Variants in ADGRV1 observed in about 807,000 individuals in gnomAD.
ADGRV1 encodes the protein adhesion G protein-coupled receptor V1, also known as G-protein coupled receptor 98.
ADGRV1 carries 359 observed loss-of-function variants against 596.2 expected under a neutral mutation model. That is an observed-to-expected ratio of 0.60 (90% CI 0.55 to 0.66). The LOEUF (loss-of-function observed/expected upper bound fraction) is 0.66. Among genes scored for constraint, ADGRV1 ranks in the 30% least tolerant of loss-of-function variants. The probability of loss-of-function intolerance (pLI) is 0.00; values close to 1 mark genes in which losing one functional copy is unlikely to be tolerated. For synonymous variants in ADGRV1, 2,681 were observed against 2,679.2 expected, an observed-to-expected ratio of 1.00 and a Z score of -0.02; for missense variants, 7,274 against 7,575.6, an observed-to-expected ratio of 0.96 and a Z score of 1.48.
chr5:90,691,014 G>C lies in ADGRV1; in HGVS notation c.6924G>C (p.Leu2308=), dbSNP rs1746396713. 4 of 1,613,654 alleles carry C rather than the reference G, an allele frequency of 2.5e-6. No individual in the cohort carries two copies. The highest frequency in any genetic ancestry group is 3.4e-6 in the Non-Finnish European group (4 of 1,179,646). The change falls in exon 31 of 90, where the codon CTG becomes CTC. Residue 2308 remains leucine (L), a synonymous_variant. Coordinates refer to ENST00000405460, the MANE Select transcript of ADGRV1 (RefSeq NM_032119.4). ...ETIQTLLLEV[L]ADDVPEIEEV... ...TTCAAACCTTGTTGTTAGAGGTCCT[G>C]GCTGACGACGTTCCGGAGATTGAAG...
chr5:90,785,089 A>G (rs1451104279), intron 67 of ADGRV1, among the ~76,000 whole-genome samples: 1 of 152,228 alleles, frequency 6.6e-6, no homozygotes, highest in African/African-American at 2.4e-5. Context: ...CCAATGGAAC[A>G]GAACAGAGGC....
intron 79 of ADGRV1, among the ~76,000 whole-genome samples, chr5:90,851,651 A>C (rs552658676): frequency 1.3e-5 from 2 of 152,090 alleles, no homozygotes; most frequent in Non-Finnish European, 2.9e-5. Flanking sequence ...CTACATGTCA[A>C]TGTGGGAGTT....
intron 83 of ADGRV1, among the ~76,000 whole-genome samples, chr5:90,933,646 C>T (rs1046171600): frequency 1.7e-4 from 26 of 152,124 alleles, no homozygotes; most frequent in Non-Finnish European, 2.9e-4. Flanking sequence ...ATCTCTCTAA[C>T]TTTTGAGTTG....
chr5:91,014,079 A>G (rs940187629), intron 85 of ADGRV1, among the ~76,000 whole-genome samples: 1 of 147,412 alleles, frequency 6.8e-6, no homozygotes, highest in Non-Finnish European at 1.5e-5. Context: ...CTGTTTTTAT[A>G]CCAGTACCAT....
At chr5:90,939,633 C>T (rs1299883142) in intron 83 of ADGRV1, among the ~76,000 whole-genome samples, 1 of 152,148 alleles carries the variant, frequency 6.6e-6, no homozygotes, top group East Asian at 1.9e-4. Context: ...AAGAGTCTCT[C>T]TTCATCTGGG....
At chr5:90,857,568 C>A (rs1021166834) in intron 82 of ADGRV1, among the ~76,000 whole-genome samples, 3 of 152,136 alleles carry the variant, frequency 2.0e-5, no homozygotes, top group African/African-American at 7.2e-5. Context: ...AGAATCAACA[C>A]CTAAATGTTA....
intron 83 of ADGRV1, among the ~76,000 whole-genome samples, chr5:90,865,218 T>C (rs74939264): frequency 0.021 from 3,124 of 152,230 alleles, 56 homozygotes; most frequent in Middle Eastern, 0.034. Flanking sequence ...CACAAGGCTA[T>C]TTATATTGCC....
At chr5:90,736,329 A>C (rs1038496151) in intron 50 of ADGRV1, among the ~76,000 whole-genome samples, 1 of 152,058 alleles carries the variant, frequency 6.6e-6, no homozygotes, top group African/African-American at 2.4e-5. Context: ...ATCCCACTTG[A>C]TCATGGTGAA....
intron 83 of ADGRV1, among the ~76,000 whole-genome samples, chr5:90,932,757 G>A (rs991173142): frequency 6.6e-6 from 1 of 151,946 alleles, no homozygotes; most frequent in Non-Finnish European, 1.5e-5. Context: ...AAAGCTTTCA[G>A]ATTAAAAAAA....
At position 91,014,215 on chromosome 5, in the gene ADGRV1, C is replaced by T. The variant is rs774395642; in HGVS notation, c.18152+28693C>T. Among the ~76,000 whole-genome samples the T allele has an allele frequency of 1.5e-4, 21 of 141,024 alleles. 1 individual carries two copies. The highest frequency in any genetic ancestry group is 2.8e-4 in the Non-Finnish European group (18 of 65,132). 92.5% of individuals were successfully genotyped at this position (141,024 alleles called of 152,430 possible). A position where few individuals can be genotyped will look rare whatever the true frequency, so the allele number is the denominator to read the frequency against. ...CTAACCAGGGAGGTGAAAGAACTCC[C>T]GGGGCTGAAGCCTACTTGATCATGG... On this transcript the variant is annotated intron_variant, in intron 85 of 89. Coordinates refer to ENST00000405460, the MANE Select transcript of ADGRV1 (RefSeq NM_032119.4).
chr5:90,760,553 T>C (rs1165634902), intron 58 of ADGRV1, among the ~76,000 whole-genome samples: 1 of 152,220 alleles, frequency 6.6e-6, no homozygotes, highest in Non-Finnish European at 1.5e-5. Flanking sequence ...CAGGATTCTG[T>C]CATGGGTCTG....
chr5:90,888,490 A>G (rs988157533), intron 83 of ADGRV1, among the ~76,000 whole-genome samples: 1 of 152,204 alleles, frequency 6.6e-6, no homozygotes, highest in Non-Finnish European at 1.5e-5. Flanking sequence ...AAAACAAAAT[A>G]ATACATTCTT....
chr5:91,028,311 C>T (rs1244825496), intron 85 of ADGRV1, among the ~76,000 whole-genome samples: 1 of 152,062 alleles, frequency 6.6e-6, no homozygotes, highest in African/African-American at 2.4e-5. Context: ...CCCGTAGGAG[C>T]AAAGGTGCCC....
Position 90,694,581 on chromosome 5 carries a change from A to G in ADGRV1, c.7825A>G (p.Met2609Val). The change falls in exon 33 of 90, where the codon ATG (methionine) becomes GTG (valine). Residue 2609 changes from methionine (M) to valine (V), a missense_variant. Around this residue, in one of 5 missense-constraint regions of ADGRV1, gnomAD observed 3,643 missense variants for 3,809.2 expected, o/e 0.96. Transcript: ENST00000405460. ...GCAGCCCCAAACCTTGGTGGAGCTGATGATACACAGGACAGGGGGCAGCTT... is the reference window on the plus strand; with the variant it reads ...GCAGCCCCAAACCTTGGTGGAGCTGGTGATACACAGGACAGGGGGCAGCTT... ...QEQPQTLVEL[M>V]IHRTGGSLGQ... 1 of 1,613,888 alleles carries G rather than the reference A, an allele frequency of 6.2e-7. No individual in the cohort carries two copies. The highest frequency in any genetic ancestry group is 8.5e-7 in the Non-Finnish European group (1 of 1,179,818).
chr5:90,758,595 A>G (rs988111188), intron 57 of ADGRV1, among the ~76,000 whole-genome samples: 1 of 152,066 alleles, frequency 6.6e-6, no homozygotes, highest in Non-Finnish European at 1.5e-5. Flanking sequence ...ATTACCTTCT[A>G]TTTGAGCATT....
intron 75 of ADGRV1, among the ~76,000 whole-genome samples, chr5:90,816,116 G>A (rs896733433): frequency 2.0e-5 from 3 of 152,046 alleles, no homozygotes; most frequent in African/African-American, 7.2e-5. Context: ...TCACATACAC[G>A]TGCTTGGTAT....
At chr5:90,627,149 T>A in intron 6 of ADGRV1, 62 bp from the exon 7 acceptor site, 4 of 867,226 alleles carry the variant, frequency 4.6e-6, no homozygotes, top group Non-Finnish European at 6.9e-6. Flanking sequence ...TTGTTACACT[T>A]TAGTTTATTT....
At position 90,658,343 on chromosome 5, in the gene ADGRV1, C is replaced by T. The variant is rs572881667; in HGVS notation, c.4752+65C>T. ...ATTGTAGGTGGATTTGTTTGGGACTCGGCTTTCTTTCATTTGGTAAGATTG... is the reference window on the plus strand; with the variant it reads ...ATTGTAGGTGGATTTGTTTGGGACTTGGCTTTCTTTCATTTGGTAAGATTG... On this transcript the variant is annotated intron_variant, in intron 21 of 89. Coordinates refer to ENST00000405460, the MANE Select transcript of ADGRV1 (RefSeq NM_032119.4). 233 of 1,413,096 alleles carry T rather than the reference C, an allele frequency of 1.6e-4. No homozygotes were observed. The African/African-American group carries it at 2.8e-3, about 17-fold the overall frequency. The allele number at this position is 1,413,096 out of a possible 1,614,324, so 87.5% of individuals were successfully genotyped here. A position where few individuals can be genotyped will look rare whatever the true frequency, so the allele number is the denominator to read the frequency against.
intron 78 of ADGRV1, among the ~76,000 whole-genome samples, chr5:90,843,589 A>C (rs1454277304): frequency 6.6e-6 from 1 of 152,218 alleles, no homozygotes; most frequent in African/African-American, 2.4e-5. Flanking sequence ...TCATCGTTTT[A>C]GTTTAGAATG....
Sources: allele counts gnomAD v4.1 joint callset (sites outside exome capture counted in the v4.1 genomes callset), GRCh38; gene constraint gnomAD v4.1.1; regional missense constraint gnomAD v4.1.1; transcripts MANE v1.5; gene names NCBI Gene and HGNC (gene_info 2026-07-23, HGNC 2026-07-21).